The following TULP4 variants were observed in gnomAD, a reference collection of about 807,000 sequenced individuals.
TULP4 encodes the protein TUB like protein 4.
TULP4 carries 16 observed loss-of-function variants against 129.0 expected under a neutral mutation model. That is an observed-to-expected ratio of 0.12 (90% CI 0.08 to 0.19). TULP4 has a LOEUF of 0.19. Among genes scored for constraint, TULP4 ranks in the 10% least tolerant of loss-of-function variants. The pLI is 1.00. For missense variants in TULP4, 1,842 were observed against 2,059.1 expected (o/e 0.89, Z 2.04); for synonymous variants, 998 against 854.0 (o/e 1.17, Z -2.94).
intron 6 of TULP4, among the ~76,000 whole-genome samples, chr6:158,475,471 C>T (rs780428295): frequency 6.6e-6 from 1 of 152,222 alleles, no homozygotes; most frequent in Non-Finnish European, 1.5e-5. Context: ...TAAAAATAGT[C>T]GTTTTATGGG....
At chr6:158,409,044 T>C (rs1373081430) in intron 1 of TULP4, among the ~76,000 whole-genome samples, 1 of 152,188 alleles carries the variant, frequency 6.6e-6, no homozygotes, top group Non-Finnish European at 1.5e-5. Context: ...TGGCTTCTTG[T>C]GTAAATCTAT....
intron 1 of TULP4, among the ~76,000 whole-genome samples, chr6:158,263,402 A>T (rs1366448768): frequency 1.3e-5 from 2 of 152,214 alleles, no homozygotes; most frequent in Non-Finnish European, 2.9e-5. Context: ...TAATTTATAA[A>T]TAGTAACTCC....
chr6:158,292,705 A>G (rs1011430691), intron 1 of TULP4, among the ~76,000 whole-genome samples: 2 of 152,198 alleles, frequency 1.3e-5, no homozygotes, highest in Admixed American at 6.5e-5. Context: ...CATACTGATT[A>G]TCTCATATTT....
intron 1 of TULP4, among the ~76,000 whole-genome samples, chr6:158,240,257 G>T (rs1386172677): frequency 1.3e-5 from 1 of 74,526 alleles, no homozygotes. Context: ...GCGGCTGGCC[G>T]GGCAGAGGGG....
chr6:158,459,829 G>T (rs1779384749), intron 5 of TULP4, among the ~76,000 whole-genome samples: 1 of 152,026 alleles, frequency 6.6e-6, no homozygotes, highest in Non-Finnish European at 1.5e-5. Flanking sequence ...TGGTTTCCTT[G>T]TGTGCCCAAA....
chr6:158,244,418 C>G lies in TULP4; in HGVS notation n.68+12115C>G, dbSNP rs562861545. On this transcript the variant is annotated intron_variant and non_coding_transcript_variant, in intron 1 of 1. Coordinates refer to the TULP4 transcript ENST00000620026. ...GGACTGAGTGTTTGAGTCCCCCTAC[C>G]CCCGTTCATATGTTGAAGCCCTAAG... Among the ~76,000 whole-genome samples, 5 of 152,218 alleles carry G rather than the reference C, an allele frequency of 3.3e-5. No homozygotes were observed. The South Asian group carries it at 1.0e-3, about 32-fold the overall frequency.
intron 1 of TULP4, among the ~76,000 whole-genome samples, chr6:158,271,197 A>C (rs558450790): frequency 6.6e-6 from 1 of 151,934 alleles, no homozygotes; most frequent in Admixed American, 6.6e-5. Flanking sequence ...ATTTAATATA[A>C]GCAGTTTTAT....
intron 1 of TULP4, among the ~76,000 whole-genome samples, chr6:158,239,344 G>A (rs1360681356): frequency 3.1e-5 from 2 of 64,316 alleles, no homozygotes; most frequent in Admixed American, 1.6e-4. Context: ...GGACGGGGCG[G>A]CTGGCCGGGC....
chr6:158,384,289 C>CTTTTTTTTTTTTTTTTT (rs10634916), intron 1 of TULP4, among the ~76,000 whole-genome samples: 1 of 144,472 alleles, frequency 6.9e-6, no homozygotes, highest in Non-Finnish European at 1.5e-5. Flanking sequence ...GCCTGTTTAG[C>CTTTTTTTTTTTTTTTTT]TTTTTTTTTT....
chr6:158,292,288 A>G (rs1318814447), intron 1 of TULP4, among the ~76,000 whole-genome samples: 1 of 152,170 alleles, frequency 6.6e-6, no homozygotes, highest in East Asian at 1.9e-4. Context: ...GTTTCCTGGG[A>G]TGTGGGACTT....
At position 158,347,909 on chromosome 6, in the gene TULP4, GA is replaced by G. The variant is rs914764529; in HGVS notation, c.252+33650del. Reference sequence around the variant, plus strand: ...TATAAGGTAGAATGTTTTTGGATGAGAAAAAAAAAGAATCTGTAAGTGTTTT... The same window carrying G: ...TATAAGGTAGAATGTTTTTGGATGAGAAAAAAAAGAATCTGTAAGTGTTTT... On this transcript the variant is annotated intron_variant, in intron 1 of 13. Coordinates refer to ENST00000367097, the MANE Select transcript of TULP4 (RefSeq NM_020245.5). 6.1e-5 allele frequency among the ~76,000 whole-genome samples: 9 copies of G among 148,456 alleles called. No homozygotes were observed. The South Asian group carries it at 1.1e-3, about 17-fold the overall frequency.
At chr6:158,500,911 A>G (rs1396784341) in intron 12 of TULP4, among the ~76,000 whole-genome samples, 1 of 152,132 alleles carries the variant, frequency 6.6e-6, no homozygotes, top group Non-Finnish European at 1.5e-5. Flanking sequence ...CTAAAAATAC[A>G]TAGCTGGGTG....
chr6:158,242,280 A>T (rs563990772), intron 1 of TULP4: 141 of 1,542,628 alleles, frequency 9.1e-5, no homozygotes, highest in Middle Eastern at 2.2e-4. Context: ...GTGCACATGC[A>T]GTGTTTAGCA....
chr6:158,378,861 A>G (rs1372259614), intron 1 of TULP4, among the ~76,000 whole-genome samples: 1 of 152,222 alleles, frequency 6.6e-6, no homozygotes, highest in Non-Finnish European at 1.5e-5. Context: ...TTATCCACAT[A>G]GAAGTGAACT....
intron 1 of TULP4, among the ~76,000 whole-genome samples, chr6:158,247,429 C>A (rs897732694): frequency 6.6e-6 from 1 of 152,238 alleles, no homozygotes; most frequent in African/African-American, 2.4e-5. Flanking sequence ...TCTAAAGACT[C>A]ATTCGTATCT....
intron 1 of TULP4, among the ~76,000 whole-genome samples, chr6:158,401,162 A>T (rs1238189919): frequency 6.6e-6 from 1 of 152,000 alleles, no homozygotes; most frequent in Non-Finnish European, 1.5e-5. Flanking sequence ...CAGCCTGGAC[A>T]TCATGAGCTC....
chr6:158,466,210 A>G (rs1779551098), intron 6 of TULP4, among the ~76,000 whole-genome samples: 1 of 152,208 alleles, frequency 6.6e-6, no homozygotes, highest in African/African-American at 2.4e-5. Flanking sequence ...CTGGGAATTC[A>G]GTTTTTAAGG....
At chr6:158,336,944 C>CAA (rs1780048077) in intron 1 of TULP4, among the ~76,000 whole-genome samples, 1 of 152,084 alleles carries the variant, frequency 6.6e-6, no homozygotes, top group Non-Finnish European at 1.5e-5. Context: ...ATCCAAGTCT[C>CAA]ACTAGTGTCT....
chr6:158,243,823 G>T (rs909747099), intron 1 of TULP4, among the ~76,000 whole-genome samples: 1 of 148,088 alleles, frequency 6.8e-6, no homozygotes, highest in Non-Finnish European at 1.5e-5. Context: ...GTTACATCCT[G>T]TCATTTAGTT....
Sources: gnomAD v4.1 joint callset for allele counts (sites outside exome capture counted in the v4.1 genomes callset) on GRCh38, gnomAD v4.1.1 for gene constraint, MANE v1.5 for transcripts, NCBI Gene and HGNC (gene_info 2026-07-23, HGNC 2026-07-21) for gene names.